Variants in LRP5 observed in about 807,000 individuals in gnomAD.
LRP5 encodes low-density lipoprotein receptor-related protein 5.
Under a neutral mutation model 154.1 loss-of-function variants are expected in LRP5, and 62 were observed. That is an observed-to-expected ratio of 0.40 (90% confidence interval 0.33 to 0.50). LRP5 has a LOEUF of 0.50. LRP5 is among the 20% of genes least tolerant of loss of function. The probability of loss-of-function intolerance (pLI) is 0.55; values close to 1 mark genes in which losing one functional copy is unlikely to be tolerated. For missense variants in LRP5, 1,915 were observed against 2,336.7 expected (o/e 0.82, Z 3.72); for synonymous variants, 966 against 1,011.5 (o/e 0.96, Z 0.85).
rs555109003 is a variant in LRP5 at position 68,428,885 on chromosome 11, A to G, written c.3638-690A>G. On this transcript the variant is annotated intron_variant, in intron 16 of 22. Transcript: ENST00000294304. ...CACTTGAGCCCAGGAGTTTACAAGT[A>G]GCTAGGCAACATGATGAGACCCCAT... Among the ~76,000 whole-genome samples the G allele has an allele frequency of 1.2e-4, 8 of 68,252 alleles. No individual in the cohort carries two copies. In the East Asian group the frequency reaches 3.4e-3, roughly 29 times the overall value. 44.8% of individuals were successfully genotyped at this position (68,252 alleles called of 152,430 possible).
In LRP5 at chr11:68,437,433, A is replaced by G. The variant is rs114678730; in HGVS notation, c.4111+434A>G. ...ATGACAACATCCCACATGCTCCTCAAATAGCATGACCTGTACAGTCACGGA... is the reference window on the plus strand; with the variant it reads ...ATGACAACATCCCACATGCTCCTCAGATAGCATGACCTGTACAGTCACGGA... On this transcript the variant is annotated intron_variant, in intron 19 of 22. Transcript: ENST00000294304. Among the ~76,000 whole-genome samples the G allele has an allele frequency of 4.9e-3, 739 of 152,344 alleles. 4 individuals are homozygous for G. The highest frequency in any genetic ancestry group is 0.016 in the African/African-American group (667 of 41,574).
intron 8 of LRP5, among the ~76,000 whole-genome samples, chr11:68,404,901 C>T (rs1269462243): frequency 1.4e-5 from 2 of 148,074 alleles, no homozygotes; most frequent in African/African-American, 2.5e-5. Flanking sequence ...ACCCGGGAAG[C>T]GGAGCTTGCA....
At chr11:68,308,576 G>T (rs1263072804), upstream of LRP5, among the ~76,000 whole-genome samples, 1 of 152,126 alleles carries the variant, frequency 6.6e-6, no homozygotes, top group African/African-American at 2.4e-5. Context: ...TTACGTTACT[G>T]AAGGGTCTAA....
intron 8 of LRP5, chr11:68,404,087 G>T: frequency 2.3e-6 from 1 of 430,806 alleles, no homozygotes; most frequent in South Asian, 2.1e-5. Flanking sequence ...ACTCCCTCCT[G>T]GGTCTGCCTG....
the LRP5 span, among the ~76,000 whole-genome samples, chr11:68,305,052 A>G: frequency 1.3e-5 from 2 of 151,870 alleles, no homozygotes; most frequent in African/African-American, 4.8e-5. Flanking sequence ...AGAACATGAG[A>G]TCTGGGGGGC....
At chr11:68,308,487 GAA>G (rs1414080714), upstream of LRP5, among the ~76,000 whole-genome samples, 1 of 152,160 alleles carries the variant, frequency 6.6e-6, no homozygotes, top group African/African-American at 2.4e-5. Flanking sequence ...TGAGGCCTAA[GAA>G]AAGTTTGTTG....
chr11:68,390,130 G>A, intron 7 of LRP5, 78 bp downstream of exon 7: 1 of 1,526,082 alleles, frequency 6.6e-7, no homozygotes, highest in Non-Finnish European at 9.0e-7. Context: ...GTATTGGCGA[G>A]GCACCGATGG....
At chr11:68,341,080 C>CTTTTTTTTTTTTTTTTTTTTTTT (rs2098608853) in intron 1 of LRP5, among the ~76,000 whole-genome samples, 3 of 55,478 alleles carry the variant, frequency 5.4e-5, no homozygotes, top group African/African-American at 3.0e-4. Flanking sequence ...TTTTTTTTTG[C>CTTTTTTTTTTTTTTTTTTTTTTT]TATTACAAAT....
At position 68,438,797 on chromosome 11, in the gene LRP5, T is replaced by C; in HGVS notation, c.4348+115T>C. 3 of 861,630 alleles carry C rather than the reference T, an allele frequency of 3.5e-6. No individual in the cohort carries two copies. In the South Asian group the frequency reaches 4.9e-5, roughly 14 times the overall value. The allele number at this position is 861,630 out of a possible 1,614,324, so 53.4% of individuals were successfully genotyped here. Reference sequence around the variant, plus strand: ...GGCCCTCTTGCACATGTGGCAGACATTGCTAATCGATCACAGCATTCAGCC... The same window carrying C: ...GGCCCTCTTGCACATGTGGCAGACACTGCTAATCGATCACAGCATTCAGCC... On this transcript the variant is annotated intron_variant, in intron 20 of 22. Coordinates refer to ENST00000294304, the MANE Select transcript of LRP5 (RefSeq NM_002335.4).
At chr11:68,381,525 C>T (rs1019091322) in intron 5 of LRP5, among the ~76,000 whole-genome samples, 3 of 152,052 alleles carry the variant, frequency 2.0e-5, no homozygotes, top group Admixed American at 1.3e-4. Flanking sequence ...TGCTTGGCCT[C>T]GCGGAAGGGA....
chr11:68,366,539 G>A (rs1403828885), intron 5 of LRP5, among the ~76,000 whole-genome samples: 1 of 152,092 alleles, frequency 6.6e-6, no homozygotes, highest in African/African-American at 2.4e-5. Flanking sequence ...CAGCGGCTGG[G>A]GTGTGTGTGT....
intron 7 of LRP5, among the ~76,000 whole-genome samples, chr11:68,393,191 G>T (rs1249306722): frequency 6.6e-6 from 1 of 152,090 alleles, no homozygotes; most frequent in Admixed American, 6.5e-5. Flanking sequence ...CCATTGTATG[G>T]CCACAGCACA....
Position 68,363,812 on chromosome 11 carries a change from A to G in LRP5, c.752A>G (p.Tyr251Cys). Residue 251 changes from tyrosine to cysteine, a missense_variant, in exon 4 of 23, where the codon TAC becomes TGC. Tyr to Cys is a radical substitution (Grantham distance 194, BLOSUM62 -2). This residue lies in a region of LRP5 where 773 missense variants were observed against 1,100.9 expected (regional missense o/e 0.70). Transcript: ENST00000294304. ...CTGACGCTCTCCGGGGACACTCTGTACTGGACAGACTGGCAGACCCGCTCC... is the reference window on the plus strand; with the variant it reads ...CTGACGCTCTCCGGGGACACTCTGTGCTGGACAGACTGGCAGACCCGCTCC... ...FALTLSGDTLYWTDWQTRSIH... is the reference protein window; with the variant it reads ...FALTLSGDTLCWTDWQTRSIH... 1 of 1,612,948 alleles carries G rather than the reference A, an allele frequency of 6.2e-7. No homozygotes were observed. The highest frequency in any genetic ancestry group is 8.5e-7 in the Non-Finnish European group (1 of 1,179,872).
chr11:68,380,313 T>G (rs1276840454), intron 5 of LRP5, among the ~76,000 whole-genome samples: 1 of 152,192 alleles, frequency 6.6e-6, no homozygotes, highest in Non-Finnish European at 1.5e-5. Context: ...ATTTGCATTT[T>G]AGTGTCCATA....
chr11:68,350,793 A>C (rs936958251), intron 2 of LRP5, among the ~76,000 whole-genome samples: 2 of 152,230 alleles, frequency 1.3e-5, no homozygotes, highest in Non-Finnish European at 2.9e-5. Context: ...TCTGACGAGC[A>C]TGGGAAGGGC....
In LRP5 at chr11:68,449,027, A is replaced by G; in HGVS notation, c.4805A>G (p.His1602Arg). 6.3e-7 allele frequency: 1 copy of G among 1,589,382 alleles called. No individual in the cohort carries two copies. The highest frequency in any genetic ancestry group is 8.5e-7 in the Non-Finnish European group (1 of 1,171,378). The change falls in exon 23 of 23, where the codon CAT becomes CGT. Residue 1602 changes from histidine (H) to arginine (R), a missense_variant. By Grantham distance (29) the His-to-Arg change is conservative. This residue lies in a region of LRP5 where 1,094 missense variants were observed against 1,210.1 expected (regional missense o/e 0.90). Transcript: ENST00000294304. ...CCCGCCACCGAGAGGAGCTACTTCC[A>G]TCTCTTCCCGCCCCCTCCGTCCCCC... ...PSPATERSYFHLFPPPPSPCT... is the reference protein window; with the variant it reads ...PSPATERSYFRLFPPPPSPCT...
intron 19 of LRP5, among the ~76,000 whole-genome samples, chr11:68,438,054 G>A (rs1390827870): frequency 1.3e-5 from 2 of 152,210 alleles, no homozygotes; most frequent in East Asian, 1.9e-4. Context: ...TGCCCCTCCC[G>A]TGGCTGGTGG....
chr11:68,433,512 C>T (rs2098673092), intron 17 of LRP5, 90 bp from the exon 18 acceptor site: 3 of 1,183,970 alleles, frequency 2.5e-6, no homozygotes, highest in South Asian at 1.2e-5. Flanking sequence ...CTGAGTCCCT[C>T]TCAACTTCTG....
chr11:68,433,794 G>C lies in LRP5; in HGVS notation c.3956G>C (p.Gly1319Ala). 3.7e-6 allele frequency: 6 copies of C among 1,612,618 alleles called. No individual in the cohort carries two copies. The highest frequency in any genetic ancestry group is 1.1e-5 in the South Asian group (1 of 91,064). The change falls in exon 18 of 23, where the codon GGC (glycine) becomes GCC (alanine). Residue 1319 changes from glycine to alanine, a missense_variant. This residue lies in a region of LRP5 where 1,094 missense variants were observed against 1,210.1 expected (regional missense o/e 0.90). Coordinates refer to ENST00000294304, the MANE Select transcript of LRP5 (RefSeq NM_002335.4). Reference protein sequence around the residue: ...QCVDLRLRCDGEADCQDRSDE... With the variant: ...QCVDLRLRCDAEADCQDRSDE... ...GTGGACCTGCGCCTGCGCTGCGACG[G>C]CGAGGCAGACTGTCAGGACCGCTCA...
Sources: allele counts gnomAD v4.1 joint callset (sites outside exome capture counted in the v4.1 genomes callset), GRCh38; gene constraint gnomAD v4.1.1; regional missense constraint gnomAD v4.1.1; transcripts MANE v1.5; gene names NCBI Gene and HGNC (gene_info 2026-07-23, HGNC 2026-07-21).